The following BIN1 variants were observed in gnomAD, a reference collection of about 807,000 sequenced individuals.
The protein encoded by BIN1 is bridging integrator 1, also known as myc box-dependent-interacting protein 1.
Under a neutral mutation model 82.0 loss-of-function variants are expected in BIN1, and 53 were observed. The observed-to-expected ratio is 0.65, with a 90% CI of 0.52 to 0.81. BIN1 has a LOEUF of 0.81. BIN1 is among the 40% of genes least tolerant of loss of function. The pLI is 0.00. For missense variants in BIN1, 642 were observed against 784.4 expected (o/e 0.82, Z 2.17); for synonymous variants, 302 against 328.0 (o/e 0.92, Z 0.86).
intron 9 of BIN1, among the ~76,000 whole-genome samples, chr2:127,062,434 CCCT>C: frequency 6.6e-6 from 1 of 152,334 alleles, no homozygotes. Flanking sequence ...CCATCTTTTC[CCCT>C]CCTACTTATA....
chr2:127,062,300 A>T, intron 9 of BIN1, 103 bp from the exon 10 acceptor site: 1 of 1,143,012 alleles, frequency 8.7e-7, no homozygotes, highest in Middle Eastern at 2.0e-4. Flanking sequence ...AGCCCCTGCC[A>T]GGAACAAGCT....
At chr2:127,087,802 C>A (rs1456688084) in intron 1 of BIN1, among the ~76,000 whole-genome samples, 1 of 152,172 alleles carries the variant, frequency 6.6e-6, no homozygotes, top group Non-Finnish European at 1.5e-5. Context: ...TTATCAGCCA[C>A]CCCACCACCT....
chr2:127,051,303 A>G (rs898361215), intron 15 of BIN1, 60 bp from the exon 16 acceptor site: 19 of 1,577,710 alleles, frequency 1.2e-5, no homozygotes, highest in African/African-American at 6.7e-5. Context: ...AGGACACAGG[A>G]AACAGGCCAC....
intron 7 of BIN1, among the ~76,000 whole-genome samples, chr2:127,064,509 G>C (rs1684902429): frequency 6.6e-6 from 1 of 152,192 alleles, no homozygotes; most frequent in South Asian, 2.1e-4. Flanking sequence ...CATTTCTGAG[G>C]GCCAGCTCCT....
Position 127,068,360 on chromosome 2 carries a change from G to A in BIN1, c.520-105C>T, listed in dbSNP as rs1021803541. On this transcript the variant is annotated intron_variant, in intron 6 of 18. Coordinates refer to ENST00000316724, the MANE Select transcript of BIN1 (RefSeq NM_139343.3). This position sits in a 1 kb window ranked among gnomAD's most constrained non-coding sequence, Gnocchi z 4.9. The stretch of plus-strand genomic sequence containing the variant: ...ATGCAGGTCCACACGCCCCACGCGC[G>A]GGGGCCACCCCAAGCAGATATGGGC... 25 of 877,392 alleles carry A rather than the reference G, an allele frequency of 2.8e-5. No homozygotes were observed. The highest frequency in any genetic ancestry group is 1.8e-4 in the African/African-American group (11 of 60,400). 54.4% of individuals were successfully genotyped at this position (877,392 alleles called of 1,614,324 possible). A position where few individuals can be genotyped will look rare whatever the true frequency, so the allele number is the denominator to read the frequency against.
intron 1 of BIN1, among the ~76,000 whole-genome samples, chr2:127,088,478 G>A (rs1304761962): frequency 7.2e-5 from 11 of 152,150 alleles, no homozygotes; most frequent in Non-Finnish European, 2.9e-5. Flanking sequence ...GCTCACACCT[G>A]TAATCCCAGC....
intron 1 of BIN1, among the ~76,000 whole-genome samples, chr2:127,105,738 T>A (rs1013365480): frequency 6.6e-6 from 1 of 152,144 alleles, no homozygotes; most frequent in Non-Finnish European, 1.5e-5. Flanking sequence ...TCATTGTTTA[T>A]AAACAGCCAC....
intron 7 of BIN1, among the ~76,000 whole-genome samples, chr2:127,065,306 G>C (rs186245403): frequency 2.6e-5 from 4 of 152,106 alleles, no homozygotes; most frequent in East Asian, 1.9e-4. Flanking sequence ...AATGGGGAGC[G>C]GGGGGTGGGG....
Position 127,051,143 on chromosome 2 carries a change from T to G in BIN1, c.1461+11A>C. On this transcript the variant is annotated intron_variant, in intron 16 of 18. Transcript: ENST00000316724. ...GGAGGAAAAGGCAGGGCTTTGTCCC[T>G]GCTGTCTTACGGAGGCTGCTTCACT... 1 of 1,613,372 alleles carries G rather than the reference T, an allele frequency of 6.2e-7. No homozygotes were observed. Among genetic ancestry groups the G allele is most frequent in the African/African-American group, 1.3e-5 (1 of 75,038 alleles).
intron 1 of BIN1, among the ~76,000 whole-genome samples, chr2:127,083,605 C>A (rs1484683318): frequency 1.3e-5 from 2 of 152,192 alleles, no homozygotes; most frequent in Non-Finnish European, 2.9e-5. Context: ...CCACACGGTC[C>A]GCATTCAAAT....
At chr2:127,085,221 T>A (rs1000105037) in intron 1 of BIN1, among the ~76,000 whole-genome samples, 1 of 152,200 alleles carries the variant, frequency 6.6e-6, no homozygotes, top group Non-Finnish European at 1.5e-5. Context: ...CCCAGGTTCC[T>A]GCTGGAGAGC....
intron 15 of BIN1, among the ~76,000 whole-genome samples, chr2:127,052,049 G>A (rs1683024893): frequency 6.6e-6 from 1 of 152,256 alleles, no homozygotes; most frequent in South Asian, 2.1e-4. Flanking sequence ...CAAGCAGGAG[G>A]GGCTGATGCG....
At chr2:127,089,903 C>A (rs1213102349) in intron 1 of BIN1, among the ~76,000 whole-genome samples, 2 of 152,054 alleles carry the variant, frequency 1.3e-5, no homozygotes, top group African/African-American at 4.8e-5. Context: ...AGCAGAGCCG[C>A]TAGCACTGGA....
At chr2:127,088,542 C>A (rs1057176111) in intron 1 of BIN1, among the ~76,000 whole-genome samples, 4 of 152,066 alleles carry the variant, frequency 2.6e-5, no homozygotes, top group African/African-American at 9.7e-5. Context: ...TCCAGACCAG[C>A]CTGGGCAACA....
chr2:127,064,845 TCA>T (rs1230078440), intron 7 of BIN1: 3 of 152,346 alleles, frequency 2.0e-5, no homozygotes, highest in African/African-American at 7.2e-5. Context: ...AGCAGGTGAG[TCA>T]CAGACCCTGC....
chr2:127,082,504 G>C lies in BIN1; in HGVS notation c.85-5798C>G, dbSNP rs1192529506. On this transcript the variant is annotated intron_variant, in intron 1 of 18. Transcript: ENST00000316724. This position sits in a 1 kb window ranked among gnomAD's most constrained non-coding sequence, Gnocchi z 6.1. ...ATGGTGGGCGCCCAGGCAGGGGAAG[G>C]GGTACAAGGCCCTCTGCCTCCCCTC... 6.6e-6 allele frequency among the ~76,000 whole-genome samples: 1 copy of C among 152,074 alleles called. No homozygotes were observed. Among genetic ancestry groups the C allele is most frequent in the Non-Finnish European group, 1.5e-5 (1 of 68,006 alleles).
intron 1 of BIN1, among the ~76,000 whole-genome samples, chr2:127,105,505 C>CCT (rs1409812260): frequency 1.6e-4 from 24 of 148,292 alleles, no homozygotes; most frequent in East Asian, 4.1e-4. Flanking sequence ...CCTCCTCCTT[C>CCT]CCTGGGGTGG....
At chr2:127,073,541 C>T (rs960683529) in intron 2 of BIN1, among the ~76,000 whole-genome samples, 1 of 152,202 alleles carries the variant, frequency 6.6e-6, no homozygotes, top group Non-Finnish European at 1.5e-5. Flanking sequence ...CCCTGGACAT[C>T]AGTCCCCACA....
chr2:127,048,947 C>T (rs1682522733), intron 18 of BIN1, among the ~76,000 whole-genome samples: 1 of 152,248 alleles, frequency 6.6e-6, no homozygotes, highest in South Asian at 2.1e-4. Context: ...GCTTCTCAAA[C>T]AACCCCAGAA....
Sources: allele counts gnomAD v4.1 joint callset (sites outside exome capture counted in the v4.1 genomes callset), GRCh38; gene constraint gnomAD v4.1.1; non-coding constraint Gnocchi (gnomAD v3.1); transcripts MANE v1.5; gene names NCBI Gene and HGNC (gene_info 2026-07-23, HGNC 2026-07-21).